Variants in GNAO1 observed in about 807,000 individuals in gnomAD.
GNAO1 encodes the protein G protein subunit alpha o1.
For missense variants in GNAO1, 166 were observed against 478.7 expected, an observed-to-expected ratio of 0.35 and a Z score of 6.10; for synonymous variants, 164 against 180.7, an observed-to-expected ratio of 0.91 and a Z score of 0.74.
chr16:56,204,396 G>A (rs2036306852), intron 2 of GNAO1, among the ~76,000 whole-genome samples: 1 of 152,152 alleles, frequency 6.6e-6, no homozygotes, highest in African/African-American at 2.4e-5. Flanking sequence ...GAGAGTGGAT[G>A]TGGTGTCCCT....
At chr16:56,288,362 G>A (rs1256177362) in intron 3 of GNAO1, among the ~76,000 whole-genome samples, 1 of 152,230 alleles carries the variant, frequency 6.6e-6, no homozygotes, top group Non-Finnish European at 1.5e-5. Flanking sequence ...ACAAAGAGCT[G>A]AAGGGATTGG....
chr16:56,275,557 A>G (rs2037054152), intron 2 of GNAO1, among the ~76,000 whole-genome samples: 2 of 152,200 alleles, frequency 1.3e-5, no homozygotes, highest in Admixed American at 1.3e-4. Context: ...ATTTTCAACA[A>G]TATGCCTCTG....
At chr16:56,267,193 G>C (rs1596831048) in intron 2 of GNAO1, among the ~76,000 whole-genome samples, 2 of 152,316 alleles carry the variant, frequency 1.3e-5, no homozygotes, top group Middle Eastern at 6.8e-3. Context: ...CGTTCCCCTG[G>C]GGTGCCTGCC....
intron 6 of GNAO1, among the ~76,000 whole-genome samples, chr16:56,341,224 T>A (rs560523132): frequency 6.6e-6 from 1 of 152,156 alleles, no homozygotes; most frequent in Non-Finnish European, 1.5e-5. Context: ...TGTGTGACCA[T>A]GGCGGCCTCT....
intron 3 of GNAO1, among the ~76,000 whole-genome samples, chr16:56,303,915 C>T (rs1187232016): frequency 6.6e-6 from 1 of 152,154 alleles, no homozygotes; most frequent in Non-Finnish European, 1.5e-5. Flanking sequence ...TAGACGCTGG[C>T]AAGGGAAAGG....
At chr16:56,320,405 A>T (rs1596862871) in intron 3 of GNAO1, among the ~76,000 whole-genome samples, 1 of 152,270 alleles carries the variant, frequency 6.6e-6, no homozygotes, top group East Asian at 1.9e-4. Flanking sequence ...TTGCAGAGAA[A>T]ATGATGGTGC....
chr16:56,293,475 A>G (rs1217445528), intron 3 of GNAO1, among the ~76,000 whole-genome samples: 3 of 152,118 alleles, frequency 2.0e-5, no homozygotes, highest in Non-Finnish European at 4.4e-5. Context: ...TCTGATATGA[A>G]CATGCATGAC....
chr16:56,287,804 T>A (rs2143550610), intron 3 of GNAO1, among the ~76,000 whole-genome samples: 1 of 152,124 alleles, frequency 6.6e-6, no homozygotes, highest in South Asian at 2.1e-4. Flanking sequence ...GGAGAGCTGC[T>A]TCTGACTCAG....
intron 2 of GNAO1, among the ~76,000 whole-genome samples, chr16:56,227,422 C>A (rs562070119): frequency 6.6e-6 from 1 of 152,244 alleles, no homozygotes; most frequent in South Asian, 2.1e-4. Flanking sequence ...TGTCTCCAGG[C>A]CTGAGCCAGT....
At chr16:56,205,887 GA>G (rs1366102997) in intron 2 of GNAO1, among the ~76,000 whole-genome samples, 1 of 152,176 alleles carries the variant, frequency 6.6e-6, no homozygotes, top group Non-Finnish European at 1.5e-5. Flanking sequence ...TGGAGGACAT[GA>G]GGGGTAAAAA....
intron 2 of GNAO1, among the ~76,000 whole-genome samples, chr16:56,244,144 G>A (rs1249538026): frequency 6.6e-6 from 1 of 152,194 alleles, no homozygotes; most frequent in Non-Finnish European, 1.5e-5. Flanking sequence ...TCCTGCCCAT[G>A]GGGAGCTGTA....
chr16:56,339,192 A>G (rs2037773790), intron 6 of GNAO1, among the ~76,000 whole-genome samples: 1 of 152,276 alleles, frequency 6.6e-6, no homozygotes, highest in South Asian at 2.1e-4. Context: ...GGGCGCATGC[A>G]GAGGTGGACA....
At chr16:56,347,232 C>T (rs2037878360) in intron 6 of GNAO1, 6 of 985,374 alleles carry the variant, frequency 6.1e-6, no homozygotes, top group Non-Finnish European at 7.2e-6. Context: ...CTCTGGGAGC[C>T]TTCAGGCAAA....
intron 4 of GNAO1, among the ~76,000 whole-genome samples, chr16:56,332,714 C>T (rs373671206): frequency 2.0e-5 from 3 of 152,244 alleles, no homozygotes; most frequent in Non-Finnish European, 2.9e-5. Flanking sequence ...CCTCCACAGC[C>T]GTCTCCTTGC....
Position 56,355,154 on chromosome 16 carries a change from A to ACC in GNAO1, c.*28+74_*28+75dup, listed in dbSNP as rs1567497840. The ACC allele has an allele frequency of 5.9e-6, 3 of 508,504 alleles. No homozygotes were observed. In the Admixed American group the frequency reaches 1.0e-4, roughly 18 times the overall value. 31.5% of individuals were successfully genotyped at this position (508,504 alleles called of 1,614,324 possible). A position where few individuals can be genotyped will look rare whatever the true frequency, so the allele number is the denominator to read the frequency against. On this transcript the variant is annotated intron_variant, in intron 8 of 8. Coordinates refer to ENST00000262493, the MANE Select transcript of GNAO1 (RefSeq NM_020988.3). ...CACACACACACACACACACACACAC[A>ACC]CCACTAACAAATGCAAGTTGGTAAA...
intron 2 of GNAO1, among the ~76,000 whole-genome samples, chr16:56,248,469 A>T (rs764255723): frequency 6.6e-6 from 1 of 152,250 alleles, no homozygotes; most frequent in Non-Finnish European, 1.5e-5. Context: ...CCCTGTGCCT[A>T]GAGCTGTTCT....
At chr16:56,342,838 C>A (rs2037819015) in intron 6 of GNAO1, among the ~76,000 whole-genome samples, 1 of 152,198 alleles carries the variant, frequency 6.6e-6, no homozygotes, top group African/African-American at 2.4e-5. Flanking sequence ...AATGGCTGGG[C>A]ATGGTGGCTC....
At chr16:56,201,012 T>G (rs2036277643) in intron 2 of GNAO1, among the ~76,000 whole-genome samples, 1 of 152,204 alleles carries the variant, frequency 6.6e-6, no homozygotes, top group Admixed American at 6.5e-5. Context: ...TAAGCATTTA[T>G]GATTGCCTAT....
rs974816975 is a variant in GNAO1, at chr16:56,354,400, G to A, written c.878-466G>A. 1.2e-4 allele frequency among the ~76,000 whole-genome samples: 19 copies of A among 152,248 alleles called. No individual in the cohort carries two copies. The highest frequency in any genetic ancestry group is 4.3e-4 in the African/African-American group (18 of 41,470). Reference sequence around the variant, plus strand: ...CTATCAAAAGTAATGGCAAGGCCAGGCGTGGTGGCTCACGTCTGTAATCCC... The same window carrying A: ...CTATCAAAAGTAATGGCAAGGCCAGACGTGGTGGCTCACGTCTGTAATCCC... On this transcript the variant is annotated intron_variant, in intron 7 of 8. Coordinates refer to ENST00000262493, the MANE Select transcript of GNAO1 (RefSeq NM_020988.3). This position sits in a 1 kb window ranked among gnomAD's most constrained non-coding sequence, Gnocchi z 4.3.
Sources: allele counts gnomAD v4.1 joint callset (sites outside exome capture counted in the v4.1 genomes callset), GRCh38; gene constraint gnomAD v4.1.1; non-coding constraint Gnocchi (gnomAD v3.1); transcripts MANE v1.5; gene names NCBI Gene and HGNC (gene_info 2026-07-23, HGNC 2026-07-21).